The following FAM171A1 variants were observed in gnomAD, a reference collection of about 807,000 sequenced individuals.
FAM171A1 encodes the protein protein FAM171A1.
In FAM171A1, 23 loss-of-function variants were observed where a neutral mutation model predicts 74.9. That is an observed-to-expected ratio of 0.31 (90% CI 0.22 to 0.44). The LOEUF is 0.44. FAM171A1 is among the 20% of genes least tolerant of loss of function. The pLI is 1.00. For synonymous variants in FAM171A1, 527 were observed against 505.7 expected, an observed-to-expected ratio of 1.04 and a Z score of -0.57; for missense variants, 1,162 against 1,159.2, an observed-to-expected ratio of 1.00 and a Z score of -0.03.
chr10:15,290,440 G>A, intron 1 of FAM171A1, among the ~76,000 whole-genome samples: 1 of 152,148 alleles, frequency 6.6e-6, no homozygotes, highest in South Asian at 2.1e-4. Flanking sequence ...ATTCAAGAAA[G>A]TACTCTGGCC....
intron 1 of FAM171A1, among the ~76,000 whole-genome samples, chr10:15,328,296 C>T (rs780966157): frequency 6.6e-6 from 1 of 152,136 alleles, no homozygotes; most frequent in African/African-American, 2.4e-5. Flanking sequence ...AGGCGCCCAC[C>T]ACCAAGCCCA....
At chr10:15,216,176 T>C (rs1032550173) in intron 6 of FAM171A1, 66 bp from the exon 7 acceptor site, 2 of 1,029,790 alleles carry the variant, frequency 1.9e-6, no homozygotes, top group Non-Finnish European at 2.9e-6. Flanking sequence ...GATCATTCAT[T>C]GAGAACGCAG....
chr10:15,288,274 G>C (rs1319392907), intron 1 of FAM171A1, among the ~76,000 whole-genome samples: 2 of 152,056 alleles, frequency 1.3e-5, no homozygotes, highest in African/African-American at 4.8e-5. Flanking sequence ...GTTCTGGGTA[G>C]ATACCGGTAG....
intron 5 of FAM171A1, among the ~76,000 whole-genome samples, chr10:15,238,261 C>A (rs1042486191): frequency 2.6e-5 from 4 of 152,164 alleles, no homozygotes; most frequent in Non-Finnish European, 5.9e-5. Context: ...ATAATGATTT[C>A]ACTGAAGACT....
At chr10:15,331,770 G>A (rs1018179115) in intron 1 of FAM171A1, among the ~76,000 whole-genome samples, 20 of 137,994 alleles carry the variant, frequency 1.4e-4, no homozygotes, top group African/African-American at 5.3e-4. Context: ...TATATATGTG[G>A]GTATATATAT....
chr10:15,311,807 G>C (rs1031911418), intron 1 of FAM171A1, among the ~76,000 whole-genome samples: 5 of 152,208 alleles, frequency 3.3e-5, no homozygotes, highest in African/African-American at 4.8e-5. Flanking sequence ...AGCCTTTTCT[G>C]TGCATGTGAC....
Position 15,371,287 on chromosome 10 carries a change from C to T in FAM171A1, c.-235G>A, listed in dbSNP as rs1836145615. On this transcript the variant is annotated 5_prime_UTR_variant, in exon 1 of 8. Transcript: ENST00000378116. ...GCGGCTGCTGCTGCTCCGCCAGCTC[C>T]TTAACCCCTTCCTGCCTCGCCCGCC... 6.9e-6 allele frequency among the ~76,000 whole-genome samples: 1 copy of T among 145,154 alleles called. No individual in the cohort carries two copies. The highest frequency in any genetic ancestry group is 2.1e-4 in the South Asian group (1 of 4,764).
chr10:15,327,991 C>G lies in FAM171A1; in HGVS notation c.97+42965G>C, dbSNP rs1835577272. Among the ~76,000 whole-genome samples the G allele has an allele frequency of 2.7e-5, 4 of 150,758 alleles. No individual in the cohort carries two copies. The South Asian group carries it at 6.3e-4, about 24-fold the overall frequency. On this transcript the variant is annotated intron_variant, in intron 1 of 7. Transcript: ENST00000378116. ...TAATTAGTAATCTCGGTCTAAAACTCTCAGTCCGAAAACTTGCCTCAGAAC... is the reference window on the plus strand; with the variant it reads ...TAATTAGTAATCTCGGTCTAAAACTGTCAGTCCGAAAACTTGCCTCAGAAC...
chr10:15,279,556 T>C (rs1241754979), intron 2 of FAM171A1, among the ~76,000 whole-genome samples: 1 of 151,960 alleles, frequency 6.6e-6, no homozygotes, highest in East Asian at 1.9e-4. Context: ...AAGGAACATC[T>C]CATTCTACCC....
chr10:15,294,209 G>C (rs1368651932), intron 1 of FAM171A1, among the ~76,000 whole-genome samples: 1 of 152,190 alleles, frequency 6.6e-6, no homozygotes, highest in African/African-American at 2.4e-5. Context: ...AAACCAGCTA[G>C]ATGGGCAGTG....
intron 3 of FAM171A1, among the ~76,000 whole-genome samples, chr10:15,266,879 A>AT (rs1180869362): frequency 6.6e-6 from 1 of 151,636 alleles, no homozygotes; most frequent in Non-Finnish European, 1.5e-5. Flanking sequence ...AAAAAAAAAA[A>AT]AAAAAAAGAG....
At position 15,213,119 on chromosome 10, in the gene FAM171A1, TCTCC is replaced by T; in HGVS notation, c.2465_2468del (p.Arg822GlnfsTer62). The T allele has an allele frequency of 6.2e-7, 1 of 1,613,860 alleles. No homozygotes were observed. The highest frequency in any genetic ancestry group is 8.5e-7 in the Non-Finnish European group (1 of 1,179,888). On this transcript the variant is annotated frameshift_variant, in exon 8 of 8. Coordinates refer to ENST00000378116, the MANE Select transcript of FAM171A1 (RefSeq NM_001010924.2). LOFTEE classifies it high-confidence loss of function. The surrounding 1 kb of genome is among the most constrained non-coding windows in gnomAD (Gnocchi z 6.8). Reference sequence around the variant, plus strand: ...GCAGGCTGGGCAGCTGGCCACCACTTCTCCGACTCGACCCCTCCAACAAGCATCG... The same window carrying T: ...GCAGGCTGGGCAGCTGGCCACCACTTGACTCGACCCCTCCAACAAGCATCG...
At chr10:15,246,079 C>T (rs147823767) in intron 5 of FAM171A1, among the ~76,000 whole-genome samples, 118 of 152,196 alleles carry the variant, frequency 7.8e-4, no homozygotes, top group African/African-American at 1.8e-3. Flanking sequence ...ACCTTGATGC[C>T]CCCCAAATTA....
intron 1 of FAM171A1, among the ~76,000 whole-genome samples, chr10:15,338,660 C>T (rs2131867534): frequency 6.6e-6 from 1 of 152,276 alleles, no homozygotes; most frequent in East Asian, 1.9e-4. Context: ...ACATTTAAAA[C>T]CTCTTCATTT....
rs775763401 is a variant in FAM171A1, at chr10:15,248,657, G to C, written c.736C>G (p.Arg246Gly). 1.2e-6 allele frequency: 2 copies of C among 1,607,890 alleles called. No individual in the cohort carries two copies. The highest frequency in any genetic ancestry group is 2.2e-5 in the East Asian group (1 of 44,576). ...TGCTTACCCAGCTTCTGGTCAAACC[G>C]CCACGCCGCGACATAGGCATTGTGC... ...LRHNAYVAAW[R>G]FDQKLGTWLK... The change falls in exon 5 of 8, where the codon CGG becomes GGG. Residue 246 changes from arginine (R) to glycine (G), a missense_variant. By Grantham distance (125) the Arg-to-Gly change is moderately radical. Coordinates refer to ENST00000378116, the MANE Select transcript of FAM171A1 (RefSeq NM_001010924.2).
intron 3 of FAM171A1, among the ~76,000 whole-genome samples, chr10:15,260,116 C>T (rs1220508158): frequency 6.6e-6 from 1 of 152,128 alleles, no homozygotes; most frequent in Non-Finnish European, 1.5e-5. Flanking sequence ...TGTGAACCAC[C>T]ACGCCTGGCC....
intron 4 of FAM171A1, among the ~76,000 whole-genome samples, chr10:15,252,407 G>A (rs45599937): frequency 0.056 from 8,587 of 152,136 alleles, 324 homozygotes; most frequent in Middle Eastern, 0.13. Flanking sequence ...CATTTTCTGC[G>A]TCTTCGGGAG....
At chr10:15,335,068 C>G (rs1417004318) in intron 1 of FAM171A1, among the ~76,000 whole-genome samples, 1 of 152,130 alleles carries the variant, frequency 6.6e-6, no homozygotes, top group African/African-American at 2.4e-5. Context: ...AGGGTGAAAC[C>G]CCATCTCTAC....
chr10:15,275,422 G>A (rs1834880769), intron 3 of FAM171A1, among the ~76,000 whole-genome samples: 1 of 151,830 alleles, frequency 6.6e-6, no homozygotes. Context: ...AAGTAGATGG[G>A]ATTACAGGCA....
Sources: gnomAD v4.1 joint callset for allele counts (sites outside exome capture counted in the v4.1 genomes callset) on GRCh38, gnomAD v4.1.1 for gene constraint, Gnocchi (gnomAD v3.1) non-coding constraint, MANE v1.5 for transcripts, NCBI Gene and HGNC (gene_info 2026-07-23, HGNC 2026-07-21) for gene names.